SDK2: variants seen among roughly 807,000 people sequenced by gnomAD.
The protein encoded by SDK2 is protein sidekick-2.
A neutral mutation model predicts 253.9 loss-of-function variants in SDK2; 105 were observed. The observed-to-expected ratio is 0.41, with a 90% CI of 0.35 to 0.49. The LOEUF is 0.49. Among genes scored for constraint, SDK2 ranks in the 20% least tolerant of loss-of-function variants. The pLI is 0.06. For synonymous variants in SDK2, 1,249 were observed against 1,234.9 expected (o/e 1.01, Z -0.24); for missense variants, 2,608 against 3,003.0 (o/e 0.87, Z 3.07).
chr17:73,477,819 A>T (rs1025526664), intron 2 of SDK2, among the ~76,000 whole-genome samples: 1 of 152,108 alleles, frequency 6.6e-6, no homozygotes, highest in African/African-American at 2.4e-5. Context: ...GAAGAGCAGG[A>T]ACCTGGCTCC....
intron 1 of SDK2, among the ~76,000 whole-genome samples, chr17:73,521,716 G>A (rs1402238230): frequency 6.6e-6 from 1 of 152,170 alleles, no homozygotes; most frequent in Non-Finnish European, 1.5e-5. Context: ...GGAGTTGGGG[G>A]CGGGGGTGAG....
At chr17:73,494,664 C>T (rs11653635) in intron 2 of SDK2, among the ~76,000 whole-genome samples, 11,386 of 152,254 alleles carry the variant, frequency 0.075, 524 homozygotes, top group African/African-American at 0.12. Flanking sequence ...CTGTGCCTCT[C>T]GCTGCCCAGC....
intron 3 of SDK2, among the ~76,000 whole-genome samples, chr17:73,458,780 C>A (rs1038057995): frequency 1.3e-5 from 2 of 152,070 alleles, no homozygotes; most frequent in African/African-American, 2.4e-5. Flanking sequence ...CTGAGGCAGG[C>A]GGATCATGAG....
At chr17:73,404,661 G>A (rs955052023) in intron 18 of SDK2, among the ~76,000 whole-genome samples, 4 of 152,198 alleles carry the variant, frequency 2.6e-5, no homozygotes, top group Non-Finnish European at 5.9e-5. Context: ...CAGAGCTGCT[G>A]AGATGAGTGT....
At chr17:73,363,637 C>T (rs534113822) in intron 38 of SDK2, among the ~76,000 whole-genome samples, 1 of 152,242 alleles carries the variant, frequency 6.6e-6, no homozygotes, top group East Asian at 1.9e-4. Context: ...TCTTGCTGTA[C>T]TTATTAACTG....
chr17:73,539,527 G>A (rs1425110373), intron 1 of SDK2, among the ~76,000 whole-genome samples: 2 of 151,926 alleles, frequency 1.3e-5, no homozygotes, highest in Non-Finnish European at 1.5e-5. Flanking sequence ...GGGGGCAAAA[G>A]CACGGCTAGG....
Position 73,472,163 on chromosome 17 carries a change from G to T in SDK2, c.280C>A (p.Arg94=), listed in dbSNP as rs754190867. ...THAGFYRCIV[R]NRMGALLQRQ... ...TGCAGCAGGGCCCCCATTCGGTTCC[G>T]CACGATGCAACGGTAAAAGCCAGCG... The change falls in exon 3 of 45, where the codon CGG becomes AGG. Residue 94 remains arginine (R), a synonymous_variant. Transcript: ENST00000392650. 10 of 1,551,692 alleles carry T rather than the reference G, an allele frequency of 6.4e-6. No individual in the cohort carries two copies. The highest frequency in any genetic ancestry group is 3.9e-5 in the Admixed American group (2 of 51,004).
rs1302763324 is a variant in SDK2, at chr17:73,618,971, G to A, written c.64+25054C>T. 2.0e-5 allele frequency among the ~76,000 whole-genome samples: 3 copies of A among 152,028 alleles called. No homozygotes were observed. Among genetic ancestry groups the A allele is most frequent in the Non-Finnish European group, 4.4e-5 (3 of 68,006 alleles). On this transcript the variant is annotated intron_variant, in intron 1 of 44. Coordinates refer to ENST00000392650, the MANE Select transcript of SDK2 (RefSeq NM_001144952.2). The surrounding 1 kb of genome is among the most constrained non-coding windows in gnomAD (Gnocchi z 4.1). ...CACTTGAGGTCAGGAGTTTGAGACT[G>A]GCCTGGACAACATGGCGAAACCTCA...
In SDK2 at chr17:73,447,574, T is replaced by C. The variant is rs1431200854; in HGVS notation, c.613+41A>G. ...CTGGAGCACCATTGCTAAGATTTAATGGCCCGCTCCAAGATCGGTCCCGGC... is the reference window on the plus strand; with the variant it reads ...CTGGAGCACCATTGCTAAGATTTAACGGCCCGCTCCAAGATCGGTCCCGGC... On this transcript the variant is annotated intron_variant, in intron 5 of 44. Transcript: ENST00000392650. This position sits in a 1 kb window ranked among gnomAD's most constrained non-coding sequence, Gnocchi z 4.0. The C allele has an allele frequency of 3.9e-6, 6 of 1,549,668 alleles. No homozygotes were observed. The highest frequency in any genetic ancestry group is 3.5e-6 in the Non-Finnish European group (4 of 1,145,322).
At position 73,418,010 on chromosome 17, in the gene SDK2, GT is replaced by G. The variant is rs397689294; in HGVS notation, c.2186+1155del. Among the ~76,000 whole-genome samples the G allele has an allele frequency of 3.4e-3, 433 of 128,226 alleles. 5 individuals carry two copies. The highest frequency in any genetic ancestry group is 9.8e-3 in the African/African-American group (338 of 34,404). 84.1% of individuals were successfully genotyped at this position (128,226 alleles called of 152,430 possible). On this transcript the variant is annotated intron_variant, in intron 16 of 44. Coordinates refer to ENST00000392650, the MANE Select transcript of SDK2 (RefSeq NM_001144952.2). ...AGATGCATCAAAGTCTCCTAGATGA[GT>G]TTTTTTTTTTTTTTTTTGTTTTTAG...
chr17:73,399,245 G>A lies in SDK2; in HGVS notation c.3016C>T (p.Pro1006Ser). 6.2e-7 allele frequency: 1 copy of A among 1,613,846 alleles called. No homozygotes were observed. The highest frequency in any genetic ancestry group is 2.2e-5 in the East Asian group (1 of 44,878). ...PTNLGISNIG[P>S]RSVTLQFRPG... ...CTGAACTGCAAGGTCACAGAGCGGG[G>A]GCCGATGTTGGAAATGCCCAGGTTG... is the stretch of plus-strand genomic sequence containing the variant. The change falls in exon 22 of 45, where the codon CCC (proline) becomes TCC (serine). Residue 1006 changes from proline to serine, a missense_variant. Physicochemically the swap from Pro to Ser is moderately conservative, Grantham distance 74. Around this residue, in one of 2 missense-constraint regions of SDK2, gnomAD observed 1,505 missense variants for 1,859.1 expected, o/e 0.81. Transcript: ENST00000392650.
chr17:73,354,999 G>A (rs1254892944), intron 40 of SDK2, among the ~76,000 whole-genome samples: 1 of 151,302 alleles, frequency 6.6e-6, no homozygotes, highest in Non-Finnish European at 1.5e-5. Flanking sequence ...GAACTGCTGA[G>A]GGGGCTGTCT....
intron 2 of SDK2, among the ~76,000 whole-genome samples, chr17:73,488,318 G>T (rs563023752): frequency 1.3e-5 from 2 of 152,312 alleles, no homozygotes; most frequent in South Asian, 4.1e-4. Context: ...GCCCGGCCAA[G>T]ATGGCTGTCT....
chr17:73,597,137 C>T (rs570433483), intron 1 of SDK2, among the ~76,000 whole-genome samples: 31 of 152,316 alleles, frequency 2.0e-4, no homozygotes, highest in African/African-American at 6.7e-4. Flanking sequence ...TTTCTCTTGT[C>T]CTTTAACACG....
chr17:73,518,103 A>G (rs747594401), intron 1 of SDK2: 6 of 152,264 alleles, frequency 3.9e-5, no homozygotes, highest in Non-Finnish European at 7.3e-5. Flanking sequence ...GCCCAGATCC[A>G]TGAGAAAGTG....
In SDK2 at chr17:73,336,624, T is replaced by TAGC. The variant is rs2062380818; in HGVS notation, c.*1960_*1962dup. On this transcript the variant is annotated 3_prime_UTR_variant, in exon 45 of 45. Coordinates refer to ENST00000392650, the MANE Select transcript of SDK2 (RefSeq NM_001144952.2). Reference sequence around the variant, plus strand: ...CCTGACTTCCCTTCCCGGTCACCATTAGCACAGTGACTGACTTGGGGCTGT... The same window carrying TAGC: ...CCTGACTTCCCTTCCCGGTCACCATTAGCAGCACAGTGACTGACTTGGGGCTGT... The TAGC allele has an allele frequency of 6.5e-6, 1 of 152,694 alleles. No homozygotes were observed. Among genetic ancestry groups the TAGC allele is most frequent in the Admixed American group, 6.5e-5 (1 of 15,280 alleles). The allele number at this position is 152,694 out of a possible 1,614,324, so 9.5% of individuals were successfully genotyped here. A position where few individuals can be genotyped will look rare whatever the true frequency, so the allele number is the denominator to read the frequency against.
intron 36 of SDK2, among the ~76,000 whole-genome samples, chr17:73,378,138 T>C (rs537050750): frequency 1.4e-5 from 2 of 143,364 alleles, no homozygotes; most frequent in South Asian, 2.4e-4. Context: ...TCTTGCTCTG[T>C]TACCTGGCTG....
intron 2 of SDK2, among the ~76,000 whole-genome samples, chr17:73,500,393 C>T (rs2063879925): frequency 6.8e-6 from 1 of 147,400 alleles, no homozygotes; most frequent in Non-Finnish European, 1.5e-5. Flanking sequence ...CCATTCTCCT[C>T]CATCCTTTGT....
chr17:73,524,161 C>T (rs1359641087), intron 1 of SDK2, among the ~76,000 whole-genome samples: 5 of 152,180 alleles, frequency 3.3e-5, no homozygotes, highest in Non-Finnish European at 7.3e-5. Flanking sequence ...ATGACAGCTG[C>T]TCTGCAGTTG....
Sources: gnomAD v4.1 joint callset for allele counts (sites outside exome capture counted in the v4.1 genomes callset) on GRCh38, gnomAD v4.1.1 for gene constraint, gnomAD v4.1.1 regional missense constraint, Gnocchi (gnomAD v3.1) non-coding constraint, MANE v1.5 for transcripts, NCBI Gene and HGNC (gene_info 2026-07-23, HGNC 2026-07-21) for gene names.